Variants in GABRB3 observed in about 807,000 individuals in gnomAD.
GABRB3 encodes gamma-aminobutyric acid receptor subunit beta-3.
A neutral mutation model predicts 52.1 loss-of-function variants in GABRB3; 14 were observed. The observed-to-expected ratio is 0.27, with a 90% CI of 0.18 to 0.42. The LOEUF (loss-of-function observed/expected upper bound fraction) is 0.42, where lower values mean the gene tolerates loss of function less well. Among genes scored for constraint, GABRB3 ranks in the 10% least tolerant of loss-of-function variants. GABRB3 has a pLI of 1.00. For synonymous variants in GABRB3, 260 were observed against 232.3 expected (o/e 1.12, Z -1.08); for missense variants, 307 against 609.1 (o/e 0.50, Z 5.22).
chr15:26,583,521 T>C, intron 4 of GABRB3, 107 bp from the exon 5 acceptor site: 1 of 813,326 alleles, frequency 1.2e-6, no homozygotes, highest in Admixed American at 1.9e-5. Context: ...CTGCCCAAAG[T>C]ACGCCTGGCT....
chr15:26,679,717 TG>T (rs1888178945), intron 3 of GABRB3, among the ~76,000 whole-genome samples: 1 of 151,674 alleles, frequency 6.6e-6, no homozygotes, highest in Non-Finnish European at 1.5e-5. Flanking sequence ...CTTCCGGAGA[TG>T]GGGGAATCAG....
chr15:26,715,878 G>A (rs1226649622), intron 3 of GABRB3, among the ~76,000 whole-genome samples: 1 of 152,122 alleles, frequency 6.6e-6, no homozygotes, highest in Admixed American at 6.5e-5. Context: ...TGTATAGAAT[G>A]TGACCTCAAC....
intron 3 of GABRB3, among the ~76,000 whole-genome samples, chr15:26,639,476 T>C (rs879885386): frequency 2.6e-5 from 4 of 152,098 alleles, no homozygotes; most frequent in Admixed American, 2.6e-4. Flanking sequence ...AGAATAGAGA[T>C]GATTTAATGC....
At chr15:26,681,308 T>C (rs537844260) in intron 3 of GABRB3, among the ~76,000 whole-genome samples, 1 of 152,286 alleles carries the variant, frequency 6.6e-6, no homozygotes, top group African/African-American at 2.4e-5. Flanking sequence ...AGTTTCTAAA[T>C]GCCTATTACT....
At chr15:26,618,638 A>G (rs1366909109) in intron 4 of GABRB3, among the ~76,000 whole-genome samples, 1 of 152,244 alleles carries the variant, frequency 6.6e-6, no homozygotes, top group Non-Finnish European at 1.5e-5. Context: ...CACCAAAAAC[A>G]ATGGCAACAA....
At chr15:26,772,628 C>T in intron 2 of GABRB3, 53 bp downstream of exon 2, 1 of 1,474,068 alleles carries the variant, frequency 6.8e-7, no homozygotes, top group Admixed American at 2.2e-5. Flanking sequence ...TCCGCCCAGG[C>T]CGCCGCCGCC....
intron 4 of GABRB3, among the ~76,000 whole-genome samples, chr15:26,585,031 C>T (rs1045062929): frequency 5.3e-5 from 8 of 152,158 alleles, no homozygotes; most frequent in African/African-American, 1.9e-4. Context: ...AACTGGAGAG[C>T]AAAGGATGAG....
intron 3 of GABRB3, among the ~76,000 whole-genome samples, chr15:26,679,530 G>A (rs1888173594): frequency 6.6e-6 from 1 of 152,024 alleles, no homozygotes; most frequent in Non-Finnish European, 1.5e-5. Context: ...CTACTTTCAA[G>A]GTCAGGTTGA....
At chr15:26,615,749 G>C (rs995135011) in intron 4 of GABRB3, 1 of 1,123,172 alleles carries the variant, frequency 8.9e-7, no homozygotes, top group Non-Finnish European at 1.1e-6. Flanking sequence ...CAAAAGAAGC[G>C]TAGAGGAGCT....
chr15:26,708,324 T>A (rs1442187948), intron 3 of GABRB3, among the ~76,000 whole-genome samples: 2 of 152,256 alleles, frequency 1.3e-5, no homozygotes, highest in East Asian at 3.9e-4. Context: ...GATCCACAGA[T>A]GGCATTTACC....
At chr15:26,604,724 C>T (rs971127648) in intron 4 of GABRB3, among the ~76,000 whole-genome samples, 4 of 134,828 alleles carry the variant, frequency 3.0e-5, no homozygotes, top group African/African-American at 5.1e-5. Flanking sequence ...TGCAGAAGAA[C>T]GAAACTTGAC....
At position 26,621,447 on chromosome 15, in the gene GABRB3, T is replaced by G. The variant is rs767830097; in HGVS notation, c.328A>C (p.Asn110His). 5.0e-6 allele frequency: 8 copies of G among 1,614,202 alleles called. No individual in the cohort carries two copies. Among genetic ancestry groups the G allele is most frequent in the Non-Finnish European group, 6.8e-6 (8 of 1,180,032 alleles). Residue 110 changes from asparagine to histidine, a missense_variant, in exon 4 of 9, where the codon AAT becomes CAT. Physicochemically the swap from Asn to His is moderately conservative, Grantham distance 68 (BLOSUM62 1). Around this residue, in one of 6 missense-constraint regions of GABRB3, gnomAD observed 31 missense variants for 71.2 expected, o/e 0.44. Coordinates refer to ENST00000311550, the MANE Select transcript of GABRB3 (RefSeq NM_000814.6). This position sits in a 1 kb window ranked among gnomAD's most constrained non-coding sequence, Gnocchi z 4.1. ...SGIPLNLTLD[N>H]RVADQLWVPD... ...ACCCATAGCTGGTCAGCCACTCGAT[T>G]GTCAAGCGTGAGGTTGAGAGGGATC...
rs149687652 is a variant in GABRB3 at position 26,676,914 on chromosome 15, G to A, written c.241-55380C>T. Among the ~76,000 whole-genome samples, 36 of 152,046 alleles carry A rather than the reference G, an allele frequency of 2.4e-4. 1 individual carries two copies. In the East Asian group the frequency reaches 3.9e-3, roughly 16 times the overall value. On this transcript the variant is annotated intron_variant, in intron 3 of 8. Transcript: ENST00000311550. ...TTTTAAAAATTTATATAGTGACTTT[G>A]GTTTAAAAATCTATTTTAGCAATAA...
chr15:26,673,827 G>A (rs1363476061), intron 3 of GABRB3, among the ~76,000 whole-genome samples: 1 of 152,216 alleles, frequency 6.6e-6, no homozygotes, highest in African/African-American at 2.4e-5. Context: ...AATAGAGCTA[G>A]AATGTGACAA....
At chr15:26,764,149 CAAAAAAAAAAAAAA>C (rs1165542034) in intron 3 of GABRB3, among the ~76,000 whole-genome samples, 235 of 18,000 alleles carry the variant, frequency 0.013, 1 homozygote, top group Non-Finnish European at 0.014. Context: ...GACTCGGTCT[CAAAAAAAAAAAAAA>C]AAAAAAAAAA....
chr15:26,579,640 T>C (rs1890717224), intron 6 of GABRB3, among the ~76,000 whole-genome samples: 1 of 152,228 alleles, frequency 6.6e-6, no homozygotes, highest in Non-Finnish European at 1.5e-5. Context: ...TCATTTATTA[T>C]ACCAATTACA....
At chr15:26,560,807 A>G in intron 8 of GABRB3, 125 bp downstream of exon 8, 1 of 1,404,190 alleles carries the variant, frequency 7.1e-7, no homozygotes, top group Admixed American at 1.7e-5. Flanking sequence ...CTATATCACA[A>G]GTACAAGAAG....
intron 3 of GABRB3, among the ~76,000 whole-genome samples, chr15:26,762,208 C>T (rs1363664838): frequency 2.6e-5 from 4 of 152,130 alleles, no homozygotes; most frequent in African/African-American, 9.7e-5. Context: ...CTCAATGTCA[C>T]AGAGACTGTT....
At chr15:26,586,795 G>T (rs1481825407) in intron 4 of GABRB3, among the ~76,000 whole-genome samples, 3 of 151,628 alleles carry the variant, frequency 2.0e-5, no homozygotes, top group African/African-American at 7.3e-5. Flanking sequence ...AATAAGTCAG[G>T]CCCAGAAAGA....
Sources: gnomAD v4.1 joint callset for allele counts (sites outside exome capture counted in the v4.1 genomes callset) on GRCh38, gnomAD v4.1.1 for gene constraint, gnomAD v4.1.1 regional missense constraint, Gnocchi (gnomAD v3.1) non-coding constraint, MANE v1.5 for transcripts, NCBI Gene and HGNC (gene_info 2026-07-23, HGNC 2026-07-21) for gene names.